The following ASMTL variants were observed in gnomAD, a reference collection of about 807,000 sequenced individuals.
The protein encoded by ASMTL is acetylserotonin O-methyltransferase like.
In ASMTL, 57 loss-of-function variants were observed where a neutral mutation model predicts 60.3. That is an observed-to-expected ratio of 0.95 (90% CI 0.76 to 1.18). ASMTL has a LOEUF of 1.18. ASMTL is among the 50% of genes most tolerant of loss of function. The probability of loss-of-function intolerance (pLI) is 0.00; values close to 1 mark genes in which losing one functional copy is unlikely to be tolerated. For synonymous variants in ASMTL, 419 were observed against 373.0 expected (o/e 1.12, Z -1.42); for missense variants, 981 against 852.6 (o/e 1.15, Z -1.88).
intron 5 of ASMTL, among the ~76,000 whole-genome samples, chrX:1,434,677 A>G (rs143284921): frequency 0.011 from 1,689 of 149,932 alleles, 32 homozygotes; most frequent in African/African-American, 0.039. Context: ...GGTGGTGGGC[A>G]CCTGTAATCC....
intron 10 of ASMTL, 116 bp downstream of exon 10, chrX:1,418,866 A>G: frequency 7.5e-7 from 1 of 1,327,372 alleles, no homozygotes; most frequent in Non-Finnish European, 1.1e-6. Context: ...GGCCCGGTTC[A>G]GGTCGTTATC....
intron 6 of ASMTL, among the ~76,000 whole-genome samples, chrX:1,431,233 ATATT>A (rs755069186): frequency 0.013 from 1,643 of 125,956 alleles, 43 homozygotes; most frequent in African/African-American, 0.047. Flanking sequence ...ATTATAAATT[ATATT>A]TATATATAAT....
Position 1,421,768 on chromosome X carries a change from G to A in ASMTL, c.1135C>T (p.His379Tyr). The A allele has an allele frequency of 6.2e-7, 1 of 1,613,900 alleles. No individual in the cohort carries two copies. Among genetic ancestry groups the A allele is most frequent in the Non-Finnish European group, 8.5e-7 (1 of 1,179,838 alleles). Residue 379 changes from histidine (H) to tyrosine (Y), a missense_variant, in exon 9 of 13, where the codon CAC (histidine) becomes TAC (tyrosine). Coordinates refer to ENST00000381317, the MANE Select transcript of ASMTL (RefSeq NM_004192.4). ...AGGTTCCATGTGAGGTCATTATTGT[G>A]CATGATGAAGCCGTGCAGAGAGTAT... ...GEYSLHGFIM[H>Y]NNDLTWNLFT...
At chrX:1,403,731 G>A (rs1270623050) in intron 12 of ASMTL, 13 of 597,942 alleles carry the variant, frequency 2.2e-5, no homozygotes, top group African/African-American at 1.3e-4. Context: ...CATCACCTGG[G>A]CCTTTTCCGG....
chrX:1,432,059 C>G (rs2090805958), intron 6 of ASMTL: 1 of 597,822 alleles, frequency 1.7e-6, no homozygotes. Context: ...CCCTGCCCCT[C>G]TCTGTCCTGG....
At chrX:1,410,505 C>G (rs1360843172) in intron 12 of ASMTL, among the ~76,000 whole-genome samples, 1 of 152,000 alleles carries the variant, frequency 6.6e-6, no homozygotes, top group Non-Finnish European at 1.5e-5. Flanking sequence ...ACCTTCGCCT[C>G]CCAGGTTCAA....
chrX:1,446,730 A>T (rs60182688), intron 1 of ASMTL, among the ~76,000 whole-genome samples: 6,358 of 151,952 alleles, frequency 0.042, 453 homozygotes, highest in African/African-American at 0.15. Flanking sequence ...CGATCTCCTG[A>T]CCTCGTGATC....
At chrX:1,406,041 GGGTA>G (rs1366139126) in intron 12 of ASMTL, among the ~76,000 whole-genome samples, 1 of 149,676 alleles carries the variant, frequency 6.7e-6, no homozygotes, top group Non-Finnish European at 1.5e-5. Flanking sequence ...GGTAGACGAT[GGGTA>G]GGTAGGTGGA....
chrX:1,416,936 G>C (rs1326739397), intron 11 of ASMTL, among the ~76,000 whole-genome samples: 1 of 148,878 alleles, frequency 6.7e-6, no homozygotes, highest in East Asian at 2.0e-4. Flanking sequence ...ACACACACAC[G>C]GACTCAGACA....
At chrX:1,407,870 C>G (rs1450182490) in intron 12 of ASMTL, among the ~76,000 whole-genome samples, 1 of 151,578 alleles carries the variant, frequency 6.6e-6, no homozygotes, top group Non-Finnish European at 1.5e-5. Context: ...TAAAAAGACA[C>G]AGAGAGGAGG....
chrX:1,428,253 G>A (rs1223136665), intron 6 of ASMTL, 132 bp from the exon 7 acceptor site: 8 of 1,147,218 alleles, frequency 7.0e-6, no homozygotes, highest in Non-Finnish European at 9.6e-6. Context: ...CTAACACAGT[G>A]AAACCCTGTC....
At chrX:1,404,772 G>T (rs1346645266) in intron 12 of ASMTL, among the ~76,000 whole-genome samples, 3 of 151,770 alleles carry the variant, frequency 2.0e-5, no homozygotes, top group African/African-American at 7.3e-5. Flanking sequence ...CAGGTAGATA[G>T]ATGAATGGAT....
upstream of ASMTL, among the ~76,000 whole-genome samples, chrX:1,453,447 C>G (rs1195773910): frequency 1.2e-4 from 19 of 152,018 alleles, no homozygotes; most frequent in Non-Finnish European, 2.1e-4. Context: ...CCGCCCCTCC[C>G]CACCCCGCCT....
At chrX:1,419,202 A>G (rs1414260590) in intron 9 of ASMTL, 88 bp from the exon 10 acceptor site, 2 of 1,490,130 alleles carry the variant, frequency 1.3e-6, no homozygotes, top group Non-Finnish European at 1.8e-6. Flanking sequence ...GGAGAAGTGC[A>G]GGGCTCCAGA....
intron 1 of ASMTL, among the ~76,000 whole-genome samples, chrX:1,451,113 C>A (rs868594933): frequency 7.5e-6 from 1 of 133,916 alleles, no homozygotes; most frequent in African/African-American, 3.1e-5. Context: ...CCTAGGCGGT[C>A]CTGGATCACT....
chrX:1,430,412 T>C (rs1265388195), intron 6 of ASMTL, among the ~76,000 whole-genome samples: 4 of 152,120 alleles, frequency 2.6e-5, no homozygotes, highest in Non-Finnish European at 5.9e-5. Flanking sequence ...CTTATTTCAA[T>C]TGATGTAAAA....
At chrX:1,420,321 CTGTCTG>C in intron 9 of ASMTL, among the ~76,000 whole-genome samples, 1 of 152,162 alleles carries the variant, frequency 6.6e-6, no homozygotes, top group African/African-American at 2.4e-5. Context: ...CTCCCTGTCT[CTGTCTG>C]CCTCCATCTC....
intron 3 of ASMTL, among the ~76,000 whole-genome samples, chrX:1,436,847 T>G (rs2090979074): frequency 6.6e-6 from 1 of 152,072 alleles, no homozygotes; most frequent in Non-Finnish European, 1.5e-5. Context: ...CATACAAGAG[T>G]AGATGTATTA....
upstream of ASMTL, among the ~76,000 whole-genome samples, chrX:1,453,350 T>TC (rs1228419215): frequency 1.1e-3 from 34 of 32,378 alleles, no homozygotes; most frequent in East Asian, 1.7e-3. Flanking sequence ...CCCGCCCGCC[T>TC]CCCCCCCGGG....
Sources: gnomAD v4.1 joint callset for allele counts (sites outside exome capture counted in the v4.1 genomes callset) on GRCh38, gnomAD v4.1.1 for gene constraint, MANE v1.5 for transcripts, NCBI Gene and HGNC (gene_info 2026-07-23, HGNC 2026-07-21) for gene names.